CYTH1: variants seen among roughly 807,000 people sequenced by gnomAD.
The protein encoded by CYTH1 is cytohesin 1, also known as cytohesin-1.
A neutral mutation model predicts 61.8 loss-of-function variants in CYTH1; 18 were observed. The observed-to-expected ratio is 0.29, with a 90% CI of 0.20 to 0.43. The LOEUF (loss-of-function observed/expected upper bound fraction) is 0.43, where lower values mean the gene tolerates loss of function less well. CYTH1 is among the 20% of genes least tolerant of loss of function. The probability of loss-of-function intolerance (pLI) is 1.00; values close to 1 mark genes in which losing one functional copy is unlikely to be tolerated. For synonymous variants in CYTH1, 174 were observed against 184.3 expected (o/e 0.94, Z 0.45); for missense variants, 336 against 510.5 (o/e 0.66, Z 3.29).
At chr17:78,703,403 T>A (rs1342530915) in intron 3 of CYTH1, among the ~76,000 whole-genome samples, 14 of 98,506 alleles carry the variant, frequency 1.4e-4, no homozygotes, top group Admixed American at 3.0e-4. Flanking sequence ...AGAGTGAGAC[T>A]CCGTCTCCAA....
At chr17:78,749,747 G>T (rs1215916334) in intron 1 of CYTH1, among the ~76,000 whole-genome samples, 6 of 151,782 alleles carry the variant, frequency 4.0e-5, no homozygotes, top group Non-Finnish European at 4.4e-5. Context: ...CAGAAAAAAA[G>T]AACTCTAAAA....
chr17:78,680,221 C>T lies in CYTH1; in HGVS notation c.1087G>A (p.Glu363Lys), dbSNP rs771108245. Residue 363 changes from glutamate to lysine, a missense_variant, in exon 13 of 14, where the codon GAG (glutamate) becomes AAG (lysine). Physicochemically the swap from Glu to Lys is moderately conservative, Grantham distance 56 (BLOSUM62 1). Around this residue, in one of 4 missense-constraint regions of CYTH1, gnomAD observed 83 missense variants for 115.6 expected, o/e 0.72. Transcript: ENST00000446868. Reference sequence around the variant, plus strand: ...CACTTAATCCACTCCTCCTTCTCCTCGGGCGTCGGAGCTGAGATCCGGTAA... The same window carrying T: ...CACTTAATCCACTCCTCCTTCTCCTTGGGCGTCGGAGCTGAGATCCGGTAA... The part of the protein sequence containing the change: ...TVYRISAPTP[E>K]EKEEWIKCIK... The T allele has an allele frequency of 3.1e-6, 5 of 1,614,036 alleles. No homozygotes were observed. The highest frequency in any genetic ancestry group is 4.2e-6 in the Non-Finnish European group (5 of 1,180,014).
At chr17:78,765,822 T>A (rs756748564) in intron 1 of CYTH1, among the ~76,000 whole-genome samples, 19 of 152,108 alleles carry the variant, frequency 1.2e-4, no homozygotes, top group Admixed American at 2.6e-4. Flanking sequence ...TGATTTTTTT[T>A]AAATCCTGCA....
chr17:78,694,667 C>T (rs886852122), intron 10 of CYTH1, among the ~76,000 whole-genome samples: 10 of 152,088 alleles, frequency 6.6e-5, no homozygotes, highest in African/African-American at 2.2e-4. Context: ...CCATGCGCTC[C>T]ATCACAGGAC....
At chr17:78,699,377 A>C (rs1381785837) in intron 7 of CYTH1, among the ~76,000 whole-genome samples, 3 of 152,114 alleles carry the variant, frequency 2.0e-5, no homozygotes, top group Non-Finnish European at 1.5e-5. Context: ...AAAAAAAAAA[A>C]AAACATGTTC....
chr17:78,684,123 C>T (rs910991816), intron 11 of CYTH1, among the ~76,000 whole-genome samples: 19 of 152,254 alleles, frequency 1.2e-4, no homozygotes, highest in Admixed American at 1.3e-4. Flanking sequence ...TCCTGGTCAC[C>T]GGGAGAACCC....
rs1209796060 is a variant in CYTH1 at position 78,747,048 on chromosome 17, T to C, written c.22+35154A>G. Reference sequence around the variant, plus strand: ...GTCTGTTGAACTGTGCCAAGCACTATGTTAGCCAAGAGCTAGACCTACAAA... The same window carrying C: ...GTCTGTTGAACTGTGCCAAGCACTACGTTAGCCAAGAGCTAGACCTACAAA... On this transcript the variant is annotated intron_variant, in intron 1 of 13. Transcript: ENST00000446868. Among the ~76,000 whole-genome samples, 11 of 150,512 alleles carry C rather than the reference T, an allele frequency of 7.3e-5. No individual in the cohort carries two copies. The South Asian group carries it at 1.9e-3, about 26-fold the overall frequency.
At chr17:78,722,499 G>C (rs2093237204) in intron 1 of CYTH1, among the ~76,000 whole-genome samples, 1 of 152,120 alleles carries the variant, frequency 6.6e-6, no homozygotes, top group Non-Finnish European at 1.5e-5. Context: ...CCTCCCAAGG[G>C]GGCAGGCTCC....
At chr17:78,692,614 G>A in intron 10 of CYTH1, 121 bp from the exon 11 acceptor site, 2 of 826,798 alleles carry the variant, frequency 2.4e-6, no homozygotes, top group Non-Finnish European at 2.0e-6. Context: ...GGAGAACGTG[G>A]AGCCCACAAC....
In CYTH1 at chr17:78,675,211, C is replaced by G. The variant is rs1219821766; in HGVS notation, c.*880G>C. 3.3e-5 allele frequency: 5 copies of G among 152,242 alleles called. No individual in the cohort carries two copies. The highest frequency in any genetic ancestry group is 7.3e-5 in the Non-Finnish European group (5 of 68,044). The allele number at this position is 152,242 out of a possible 1,614,324, so 9.4% of individuals were successfully genotyped here. On this transcript the variant is annotated 3_prime_UTR_variant, in exon 14 of 14. Coordinates refer to ENST00000446868, the MANE Select transcript of CYTH1 (RefSeq NM_004762.6). ...GTATTTAGCTCAAGGAAAATGCTGA[C>G]TTTCTACTTTAAAGCCCAACAAGAA...
At position 78,688,263 on chromosome 17, in the gene CYTH1, G is replaced by T. The variant is rs74001204; in HGVS notation, c.891+4154C>A. On this transcript the variant is annotated intron_variant, in intron 11 of 13. Transcript: ENST00000446868. ...TTTCCCTGATATGTAATAATTCAAAGACTTGAATAGCAGCCGTGGTGTTGG... is the reference window on the plus strand; with the variant it reads ...TTTCCCTGATATGTAATAATTCAAATACTTGAATAGCAGCCGTGGTGTTGG... 4.2e-3 allele frequency among the ~76,000 whole-genome samples: 642 copies of T among 152,306 alleles called. 6 individuals are homozygous for T. Among genetic ancestry groups the T allele is most frequent in the African/African-American group, 0.015 (603 of 41,572 alleles).
At chr17:78,757,178 G>T (rs2093405173) in intron 1 of CYTH1, among the ~76,000 whole-genome samples, 1 of 151,794 alleles carries the variant, frequency 6.6e-6, no homozygotes, top group Non-Finnish European at 1.5e-5. Context: ...TTGATCTCCT[G>T]ACCTCGTGAT....
chr17:78,702,226 T>A lies in CYTH1; in HGVS notation c.252A>T (p.Leu84Phe), dbSNP rs1567843602. The A allele has an allele frequency of 6.2e-7, 1 of 1,613,772 alleles. No individual in the cohort carries two copies. The highest frequency in any genetic ancestry group is 1.1e-5 in the South Asian group (1 of 91,062). ...NMDPKKGIQF[L>F]IENDLLKNTC... ...TGTTCTTCAGGAGGTCGTTCTCTATTAAGAACTGGATCCCCTAGAAAAAGA... is the reference window on the plus strand; with the variant it reads ...TGTTCTTCAGGAGGTCGTTCTCTATAAAGAACTGGATCCCCTAGAAAAAGA... The change falls in exon 5 of 14, where the codon TTA becomes TTT. Residue 84 changes from leucine to phenylalanine, a missense_variant. By Grantham distance (22) the Leu-to-Phe change is conservative. This residue lies in a region of CYTH1 where 112 missense variants were observed against 127.1 expected (regional missense o/e 0.88). Transcript: ENST00000446868.
intron 1 of CYTH1, among the ~76,000 whole-genome samples, chr17:78,747,636 T>G (rs1012227508): frequency 6.6e-6 from 1 of 152,224 alleles, no homozygotes; most frequent in Admixed American, 6.5e-5. Flanking sequence ...CTCTACAGAT[T>G]TGCCTAATAC....
intron 11 of CYTH1, among the ~76,000 whole-genome samples, chr17:78,689,946 T>G (rs1339508173): frequency 6.6e-6 from 1 of 151,946 alleles, no homozygotes; most frequent in Non-Finnish European, 1.5e-5. Context: ...TCCTGACTGC[T>G]GCCCCTGCCA....
At chr17:78,725,439 TTG>T (rs966410625) in intron 1 of CYTH1, among the ~76,000 whole-genome samples, 6 of 152,238 alleles carry the variant, frequency 3.9e-5, no homozygotes, top group Non-Finnish European at 7.3e-5. Context: ...CAGTAATATC[TTG>T]TACTGTAAAT....
Position 78,702,586 on chromosome 17 carries a change from G to T in CYTH1, c.189C>A (p.Asn63Lys), listed in dbSNP as rs2093023410. Residue 63 changes from asparagine (N) to lysine (K), a missense_variant, in exon 4 of 14, where the codon AAC (asparagine) becomes AAA (lysine). This residue lies in a region of CYTH1 where 112 missense variants were observed against 127.1 expected (regional missense o/e 0.88). Coordinates refer to ENST00000446868, the MANE Select transcript of CYTH1 (RefSeq NM_004762.6). Reference protein sequence around the residue: ...STEERKNMQRNKQVAMGRKKF... With the variant: ...STEERKNMQRKKQVAMGRKKF... ...TTTTCCTGCCCATGGCTACCTGTTT[G>T]TTCCTCTGCATGTTTTTCCTGTAAA... is the stretch of plus-strand genomic sequence containing the variant. The T allele has an allele frequency of 6.2e-7, 1 of 1,613,926 alleles. No homozygotes were observed. The highest frequency in any genetic ancestry group is 8.5e-7 in the Non-Finnish European group (1 of 1,180,018).
chr17:78,687,383 C>T (rs182894632), intron 11 of CYTH1, among the ~76,000 whole-genome samples: 4 of 152,286 alleles, frequency 2.6e-5, no homozygotes, highest in Admixed American at 1.3e-4. Context: ...GGATATTCTG[C>T]CTCAACTTTA....
At chr17:78,776,164 A>G (rs1567888417) in intron 1 of CYTH1, among the ~76,000 whole-genome samples, 1 of 152,166 alleles carries the variant, frequency 6.6e-6, no homozygotes, top group Non-Finnish European at 1.5e-5. Context: ...CAACAACAAA[A>G]AAAAGAAATT....
Sources: gnomAD v4.1 joint callset for allele counts (sites outside exome capture counted in the v4.1 genomes callset) on GRCh38, gnomAD v4.1.1 for gene constraint, gnomAD v4.1.1 regional missense constraint, MANE v1.5 for transcripts, NCBI Gene and HGNC (gene_info 2026-07-23, HGNC 2026-07-21) for gene names.